MERTK: variants seen among roughly 807,000 people sequenced by gnomAD.
MERTK encodes the protein tyrosine-protein kinase Mer.
Under a neutral mutation model 99.3 loss-of-function variants are expected in MERTK, and 69 were observed. The ratio of observed to expected loss-of-function variants is 0.70; its 90% CI spans 0.57 to 0.85. The LOEUF (loss-of-function observed/expected upper bound fraction) is 0.85, where lower values mean the gene tolerates loss of function less well. Ranked by LOEUF, MERTK falls within the 40% of genes least tolerant of loss-of-function variation. MERTK has a pLI of 0.00. For missense variants in MERTK, 1,125 were observed against 1,249.4 expected, an observed-to-expected ratio of 0.90 and a Z score of 1.50; for synonymous variants, 426 against 467.6, an observed-to-expected ratio of 0.91 and a Z score of 1.15.
At chr2:111,992,157 G>T (rs995234768) in intron 8 of MERTK, among the ~76,000 whole-genome samples, 1 of 152,106 alleles carries the variant, frequency 6.6e-6, no homozygotes, top group Admixed American at 6.5e-5. Context: ...AAGGAGCCAC[G>T]CACAGAGAGG....
chr2:111,971,499 T>C (rs1219674580), intron 6 of MERTK, among the ~76,000 whole-genome samples: 2 of 152,072 alleles, frequency 1.3e-5, no homozygotes, highest in Admixed American at 6.6e-5. Context: ...CATAAGGTTT[T>C]CGTTGTTGTT....
intron 7 of MERTK, among the ~76,000 whole-genome samples, chr2:111,976,010 CTAAG>C (rs1261986115): frequency 6.7e-6 from 1 of 148,782 alleles, no homozygotes; most frequent in Non-Finnish European, 1.5e-5. Flanking sequence ...GAACTTCTGA[CTAAG>C]TGTTTCCCAT....
At chr2:111,965,071 T>C (rs949897246) in intron 4 of MERTK, 120 bp from the exon 5 acceptor site, 13 of 942,704 alleles carry the variant, frequency 1.4e-5, no homozygotes, top group Non-Finnish European at 2.1e-5. Context: ...AAATTAACTT[T>C]GCACTAATGC....
At chr2:111,910,831 C>G (rs1684233668) in intron 1 of MERTK, among the ~76,000 whole-genome samples, 1 of 151,842 alleles carries the variant, frequency 6.6e-6, no homozygotes, top group African/African-American at 2.4e-5. Flanking sequence ...TTACTAGGGC[C>G]TGGAAAGGAT....
intron 2 of MERTK, among the ~76,000 whole-genome samples, chr2:111,935,160 A>G (rs1684741543): frequency 6.6e-6 from 1 of 152,230 alleles, no homozygotes; most frequent in Admixed American, 6.5e-5. Flanking sequence ...ATATGCAAGT[A>G]CACACTAGTT....
chr2:111,978,380 G>A (rs955514896), intron 7 of MERTK, among the ~76,000 whole-genome samples: 5 of 151,710 alleles, frequency 3.3e-5, no homozygotes, highest in African/African-American at 1.2e-4. Flanking sequence ...CCTGACTTAA[G>A]GTGATCTGCC....
At chr2:111,905,089 A>G (rs1684112663) in intron 1 of MERTK, among the ~76,000 whole-genome samples, 1 of 152,230 alleles carries the variant, frequency 6.6e-6, no homozygotes. Flanking sequence ...GAGAACAAGG[A>G]TACTAAGAAT....
intron 4 of MERTK, among the ~76,000 whole-genome samples, chr2:111,964,837 G>A (rs1268633130): frequency 2.6e-5 from 4 of 152,276 alleles, no homozygotes; most frequent in Admixed American, 2.0e-4. Flanking sequence ...GTATGTACTG[G>A]GGGGTTAGGC....
Position 112,010,046 on chromosome 2 carries a change from C to T in MERTK, c.2059C>T (p.Arg687Ter), listed in dbSNP as rs1553458060. 12 of 1,610,874 alleles carry T rather than the reference C, an allele frequency of 7.4e-6. No homozygotes were observed. Among genetic ancestry groups the T allele is most frequent in the Non-Finnish European group, 1.0e-5 (12 of 1,177,162 alleles). ...GDLHTYLLYS[R>*]LETGPKHIPL... ...CCTGCATACTTACTTACTTTATTCC[C>T]GATTGGAGACAGGACCAAAGGTAAT... is the stretch of plus-strand genomic sequence containing the variant. The change falls in exon 15 of 19, where the codon CGA (arginine) becomes TGA (stop). Residue 687 changes from arginine (R) to a stop codon, truncating the protein, a stop_gained. Transcript: ENST00000295408. LOFTEE classifies it high-confidence loss of function.
At chr2:111,981,251 C>A (rs1238940063) in intron 7 of MERTK, among the ~76,000 whole-genome samples, 1 of 152,174 alleles carries the variant, frequency 6.6e-6, no homozygotes, top group East Asian at 1.9e-4. Context: ...TGTTATTATT[C>A]TTTCTAGATA....
chr2:111,898,865 G>T, intron 1 of MERTK, 69 bp downstream of exon 1: 1 of 1,480,292 alleles, frequency 6.8e-7, no homozygotes. Flanking sequence ...GGCCTCTGGG[G>T]AGGGAGCGCG....
intron 1 of MERTK, among the ~76,000 whole-genome samples, chr2:111,920,922 C>T (rs868378687): frequency 2.0e-5 from 3 of 152,182 alleles, no homozygotes; most frequent in African/African-American, 7.2e-5. Context: ...TCCCAAAGTG[C>T]TGGGATTACA....
intron 9 of MERTK, chr2:111,997,119 A>C: frequency 1.3e-6 from 1 of 741,550 alleles, no homozygotes. Flanking sequence ...ATGTTATGGA[A>C]TGAGTAAATC....
chr2:111,976,522 CTGTGTGTGTGTG>C (rs70962971), intron 7 of MERTK, among the ~76,000 whole-genome samples: 3,709 of 136,740 alleles, frequency 0.027, 83 homozygotes, highest in Middle Eastern at 0.077. Flanking sequence ...TGACAAAAAC[CTGTGTGTGTGTG>C]TGTGTGTGTG....
rs1365583947 is a variant in MERTK, at chr2:111,898,858, C to T, written c.61+62C>T. On this transcript the variant is annotated intron_variant, in intron 1 of 18. Transcript: ENST00000295408. ...GGGGCTCCCAGGAGGAAGCAGGGGC[C>T]TCTGGGGAGGGAGCGCGTCCACAGG... The T allele has an allele frequency of 1.1e-5, 16 of 1,508,334 alleles. No homozygotes were observed. The Admixed American group carries it at 3.3e-4, about 31-fold the overall frequency. The allele number at this position is 1,508,334 out of a possible 1,614,324, so 93.4% of individuals were successfully genotyped here.
At chr2:111,983,140 A>G (rs540816506) in intron 8 of MERTK, 147 bp downstream of exon 8, 27 of 880,676 alleles carry the variant, frequency 3.1e-5, no homozygotes, top group African/African-American at 3.0e-4. Context: ...TAAAGAATAT[A>G]GTAAATATTA....
In MERTK at chr2:111,929,265, G is replaced by T. The variant is rs200120223; in HGVS notation, c.207G>T (p.Gln69His). The T allele has an allele frequency of 6.2e-7, 1 of 1,614,192 alleles. No homozygotes were observed. Among genetic ancestry groups the T allele is most frequent in the Non-Finnish European group, 8.5e-7 (1 of 1,180,036 alleles). The change falls in exon 2 of 19, where the codon CAG becomes CAT. Residue 69 changes from glutamine to histidine, a missense_variant. Coordinates refer to ENST00000295408, the MANE Select transcript of MERTK (RefSeq NM_006343.3). Reference protein sequence around the residue: ...YQPALMFSPTQPGRPHTGNVA... With the variant: ...YQPALMFSPTHPGRPHTGNVA... The stretch of plus-strand genomic sequence containing the variant: ...CTGCCTTGATGTTTTCACCAACCCA[G>T]CCTGGAAGACCACATACAGGAAACG...
chr2:111,999,848 T>G (rs11690939), intron 10 of MERTK, among the ~76,000 whole-genome samples: 94,056 of 151,952 alleles, frequency 0.62, 29,477 homozygotes, highest in Middle Eastern at 0.69. Context: ...ACAGGTTTGG[T>G]ATAGGCAGTG....
rs983740697 is a variant in MERTK at position 112,029,480 on chromosome 2, C to T, written c.*616C>T. The T allele has an allele frequency of 2.7e-5, 8 of 291,720 alleles. No homozygotes were observed. Among genetic ancestry groups the T allele is most frequent in the Non-Finnish European group, 1.0e-5 (2 of 195,746 alleles). 18.1% of individuals were successfully genotyped at this position (291,720 alleles called of 1,614,324 possible). A position where few individuals can be genotyped will look rare whatever the true frequency, so the allele number is the denominator to read the frequency against. Reference sequence around the variant, plus strand: ...CCTTGGGGCAATTGCTCTGACCATTCTTGGCATTGCTTTATAGAGATATGG... The same window carrying T: ...CCTTGGGGCAATTGCTCTGACCATTTTTGGCATTGCTTTATAGAGATATGG... On this transcript the variant is annotated 3_prime_UTR_variant, in exon 19 of 19. Transcript: ENST00000295408.
Sources: gnomAD v4.1 joint callset for allele counts (sites outside exome capture counted in the v4.1 genomes callset) on GRCh38, gnomAD v4.1.1 for gene constraint, MANE v1.5 for transcripts, NCBI Gene and HGNC (gene_info 2026-07-23, HGNC 2026-07-21) for gene names.